Variants in MAGI1 observed in about 807,000 individuals in gnomAD.
The protein encoded by MAGI1 is membrane-associated guanylate kinase, WW and PDZ domain-containing protein 1.
In MAGI1, 58 loss-of-function variants were observed where a neutral mutation model predicts 139.9. The ratio of observed to expected loss-of-function variants is 0.41; its 90% CI spans 0.34 to 0.52. The LOEUF is 0.52. Ranked by LOEUF, MAGI1 falls within the 20% of genes least tolerant of loss-of-function variation. The pLI, the probability that MAGI1 is intolerant of heterozygous loss-of-function variation, is 0.12. For synonymous variants in MAGI1, 812 were observed against 737.9 expected, an observed-to-expected ratio of 1.10 and a Z score of -1.63; for missense variants, 1,874 against 1,901.6, an observed-to-expected ratio of 0.99 and a Z score of 0.27.
intron 1 of MAGI1, among the ~76,000 whole-genome samples, chr3:65,944,991 G>A (rs545543569): frequency 6.6e-6 from 1 of 152,230 alleles, no homozygotes; most frequent in Admixed American, 6.5e-5. Flanking sequence ...ATGAAATAGA[G>A]GACGGGAACC....
chr3:65,683,062 A>G (rs988255007), intron 1 of MAGI1, among the ~76,000 whole-genome samples: 1 of 152,044 alleles, frequency 6.6e-6, no homozygotes, highest in East Asian at 1.9e-4. Flanking sequence ...TCTAATGCCA[A>G]TGCTGATCTG....
chr3:66,017,275 G>A (rs554614691), intron 1 of MAGI1, among the ~76,000 whole-genome samples: 4 of 152,348 alleles, frequency 2.6e-5, no homozygotes, highest in Admixed American at 6.5e-5. Context: ...GTCTCAACAC[G>A]CGCAGGGCGC....
intron 14 of MAGI1, among the ~76,000 whole-genome samples, chr3:65,388,079 G>A (rs1239940615): frequency 6.6e-6 from 1 of 152,140 alleles, no homozygotes; most frequent in Admixed American, 6.5e-5. Flanking sequence ...CCATAAAACA[G>A]GCAACATGGC....
chr3:65,736,526 T>C (rs2034749482), intron 1 of MAGI1, among the ~76,000 whole-genome samples: 1 of 152,130 alleles, frequency 6.6e-6, no homozygotes, highest in African/African-American at 2.4e-5. Flanking sequence ...CAATCCATGA[T>C]GGTATAAACT....
intron 22 of MAGI1, chr3:65,359,767 T>A: frequency 1.0e-6 from 1 of 985,708 alleles, no homozygotes; most frequent in African/African-American, 1.7e-5. Flanking sequence ...ATCTTTATTT[T>A]TAGCCCAAAG....
chr3:65,570,590 A>C (rs900246906), intron 2 of MAGI1, among the ~76,000 whole-genome samples: 2 of 152,240 alleles, frequency 1.3e-5, no homozygotes, highest in Admixed American at 1.3e-4. Flanking sequence ...ATGTTTAAAA[A>C]TGAAATTGTA....
At chr3:65,545,329 C>G (rs2079443721) in intron 2 of MAGI1, among the ~76,000 whole-genome samples, 1 of 151,990 alleles carries the variant, frequency 6.6e-6, no homozygotes, top group Admixed American at 6.6e-5. Flanking sequence ...GATGGCATAC[C>G]AGTAACATGT....
intron 1 of MAGI1, among the ~76,000 whole-genome samples, chr3:65,807,834 C>G (rs78645831): frequency 0.017 from 2,572 of 152,222 alleles, 37 homozygotes; most frequent in Middle Eastern, 0.061. Context: ...ACCAGTATCT[C>G]CATGTTACGG....
At chr3:65,634,287 A>C (rs1194578836) in intron 1 of MAGI1, among the ~76,000 whole-genome samples, 1 of 152,238 alleles carries the variant, frequency 6.6e-6, no homozygotes, top group Admixed American at 6.5e-5. Context: ...AATAAAAGCA[A>C]AAAACCAACA....
Position 65,941,594 on chromosome 3 carries a change from G to T in MAGI1, c.313+96402C>A, listed in dbSNP as rs970078854. Among the ~76,000 whole-genome samples the T allele has an allele frequency of 3.3e-5, 5 of 151,926 alleles. No homozygotes were observed. In the South Asian group the frequency reaches 8.3e-4, roughly 25 times the overall value. On this transcript the variant is annotated intron_variant, in intron 1 of 22. Coordinates refer to ENST00000402939, the MANE Select transcript of MAGI1 (RefSeq NM_001033057.2). ...CTAGATTGTGAACTGTCCCCTATGG[G>T]GACAACATCCCCACCCCCACCTCCC...
chr3:65,557,675 G>A (rs769232466), intron 2 of MAGI1, among the ~76,000 whole-genome samples: 2 of 152,056 alleles, frequency 1.3e-5, no homozygotes, highest in Admixed American at 6.6e-5. Flanking sequence ...TTTGTTTAAC[G>A]AAATCGATCA....
intron 1 of MAGI1, among the ~76,000 whole-genome samples, chr3:65,768,029 TTTAAAC>T (rs1203882118): frequency 6.6e-6 from 1 of 152,224 alleles, no homozygotes; most frequent in African/African-American, 2.4e-5. Flanking sequence ...AAATAAGATC[TTTAAAC>T]TTAATTTGTT....
chr3:65,587,514 C>T (rs1188372209), intron 2 of MAGI1, among the ~76,000 whole-genome samples: 2 of 127,408 alleles, frequency 1.6e-5, no homozygotes, highest in African/African-American at 3.1e-5. Flanking sequence ...GACAGGGTCT[C>T]GCTCTGTCGC....
chr3:65,358,861 C>T (rs1247736551), intron 22 of MAGI1, among the ~76,000 whole-genome samples: 1 of 152,162 alleles, frequency 6.6e-6, no homozygotes. Flanking sequence ...TACAGGAAGG[C>T]ACTTGGATCA....
intron 1 of MAGI1, among the ~76,000 whole-genome samples, chr3:65,639,333 T>C (rs533107924): frequency 2.2e-4 from 34 of 152,322 alleles, no homozygotes; most frequent in Middle Eastern, 6.8e-3. Context: ...AAGTCTAATT[T>C]ATCAATTTTT....
chr3:65,859,965 G>A (rs955082146), intron 1 of MAGI1, among the ~76,000 whole-genome samples: 1 of 150,580 alleles, frequency 6.6e-6, no homozygotes, highest in Non-Finnish European at 1.5e-5. Flanking sequence ...GCGCGATCTC[G>A]GCTCACTGCA....
At chr3:65,851,762 G>T (rs1395558219) in intron 1 of MAGI1, among the ~76,000 whole-genome samples, 1 of 151,936 alleles carries the variant, frequency 6.6e-6, no homozygotes, top group African/African-American at 2.4e-5. Context: ...AAAAAAATGT[G>T]TTAGGCTAAC....
At chr3:65,401,634 G>GA (rs1944905606) in intron 12 of MAGI1, 164 bp from the exon 13 acceptor site, 1 of 1,549,508 alleles carries the variant, frequency 6.5e-7, no homozygotes. Context: ...TGTTCATATC[G>GA]AATCAAAGCA....
At chr3:65,847,805 T>C (rs1202154622) in intron 1 of MAGI1, among the ~76,000 whole-genome samples, 1 of 152,176 alleles carries the variant, frequency 6.6e-6, no homozygotes, top group Admixed American at 6.5e-5. Context: ...ATTTTACAAG[T>C]GAGGACACTG....
Sources: gnomAD v4.1 joint callset for allele counts (sites outside exome capture counted in the v4.1 genomes callset) on GRCh38, gnomAD v4.1.1 for gene constraint, MANE v1.5 for transcripts, NCBI Gene and HGNC (gene_info 2026-07-23, HGNC 2026-07-21) for gene names.